Variants in ASCC3 observed in about 807,000 individuals in gnomAD.
ASCC3 encodes the protein activating signal cointegrator 1 complex subunit 3.
In ASCC3, 158 loss-of-function variants were observed where a neutral mutation model predicts 256.3. The ratio of observed to expected loss-of-function variants is 0.62; its 90% CI spans 0.54 to 0.70. The LOEUF (loss-of-function observed/expected upper bound fraction) is 0.70, where lower values mean the gene tolerates loss of function less well. Among genes scored for constraint, ASCC3 ranks in the 30% least tolerant of loss-of-function variants. The pLI, the probability that ASCC3 is intolerant of heterozygous loss-of-function variation, is 0.00. For missense variants in ASCC3, 2,259 were observed against 2,626.0 expected (o/e 0.86, Z 3.05); for synonymous variants, 948 against 883.4 (o/e 1.07, Z -1.30).
chr6:100,826,282 C>A (rs1373917682), intron 4 of ASCC3, among the ~76,000 whole-genome samples: 2 of 152,042 alleles, frequency 1.3e-5, no homozygotes, highest in African/African-American at 4.8e-5. Flanking sequence ...CAGGTGCCCA[C>A]CACCACGCCC....
Position 100,615,037 on chromosome 6 carries a change from A to T in ASCC3, c.4786-7949T>A, listed in dbSNP as rs540630075. Among the ~76,000 whole-genome samples, 3 of 151,600 alleles carry T rather than the reference A, an allele frequency of 2.0e-5. No individual in the cohort carries two copies. In the South Asian group the frequency reaches 6.3e-4, roughly 32 times the overall value. On this transcript the variant is annotated intron_variant, in intron 30 of 41. Coordinates refer to ENST00000369162, the MANE Select transcript of ASCC3 (RefSeq NM_006828.4). ...CCTTTTCTTAAAAAAAATTTTTGAG[A>T]TGGAGTCTCGCTCTGTCGACCAGGT...
At chr6:100,638,293 A>G (rs1344769441) in intron 25 of ASCC3, among the ~76,000 whole-genome samples, 1 of 152,204 alleles carries the variant, frequency 6.6e-6, no homozygotes, top group African/African-American at 2.4e-5. Flanking sequence ...TTAGCTATGT[A>G]TATTTTTAGG....
At chr6:100,769,100 T>C (rs146387068) in intron 8 of ASCC3, among the ~76,000 whole-genome samples, 118 of 152,162 alleles carry the variant, frequency 7.8e-4, no homozygotes, top group African/African-American at 2.6e-3. Flanking sequence ...GGAAATTTTG[T>C]AGCACTAACT....
At chr6:100,637,293 A>T (rs928192833) in intron 25 of ASCC3, among the ~76,000 whole-genome samples, 3 of 152,196 alleles carry the variant, frequency 2.0e-5, no homozygotes, top group African/African-American at 7.2e-5. Context: ...CCTGGATGAC[A>T]GCATATCTAC....
In ASCC3 at chr6:100,650,686, T is replaced by C. The variant is rs764478077; in HGVS notation, c.3104A>G (p.Asp1035Gly). 3 of 1,611,412 alleles carry C rather than the reference T, an allele frequency of 1.9e-6. No homozygotes were observed. Among genetic ancestry groups the C allele is most frequent in the African/African-American group, 2.7e-5 (2 of 74,832 alleles). The change falls in exon 20 of 42, where the codon GAT (aspartate) becomes GGT (glycine). Residue 1035 changes from aspartate (D) to glycine (G), a missense_variant. By Grantham distance (94) the Asp-to-Gly change is moderately conservative. Coordinates refer to ENST00000369162, the MANE Select transcript of ASCC3 (RefSeq NM_006828.4). ...TTCACAAAAATTGCTTAATAAGGTA[T>C]CTAACTCCTCTATTTCCTCTTCTCT... ...KVREEEIEEL[D>G]TLLSNFCELS...
chr6:100,694,004 C>T (rs531431102), intron 13 of ASCC3, among the ~76,000 whole-genome samples: 4 of 152,160 alleles, frequency 2.6e-5, no homozygotes, highest in South Asian at 2.1e-4. Flanking sequence ...CTCAGAGCAA[C>T]CTGAAGCAGT....
chr6:100,805,940 T>G (rs1334392622), intron 4 of ASCC3, 60 bp from the exon 5 acceptor site: 25 of 1,542,356 alleles, frequency 1.6e-5, no homozygotes, highest in Non-Finnish European at 2.2e-5. Flanking sequence ...CTTTTTCAAG[T>G]TATTAACAAC....
chr6:100,593,724 T>A (rs1415205660), intron 34 of ASCC3, among the ~76,000 whole-genome samples: 3 of 152,032 alleles, frequency 2.0e-5, no homozygotes, highest in Non-Finnish European at 4.4e-5. Flanking sequence ...TATGTTCAGA[T>A]TATGCAGCAA....
chr6:100,826,314 G>A (rs1485926549), intron 4 of ASCC3, among the ~76,000 whole-genome samples: 4 of 152,102 alleles, frequency 2.6e-5, no homozygotes, highest in African/African-American at 4.8e-5. Context: ...TGTATTTTTA[G>A]TAGAGACGGG....
intron 3 of ASCC3, among the ~76,000 whole-genome samples, chr6:100,851,733 T>G (rs1772678474): frequency 6.6e-6 from 1 of 152,074 alleles, no homozygotes; most frequent in Non-Finnish European, 1.5e-5. Flanking sequence ...CACAGAACAG[T>G]TTTTCAACAG....
chr6:100,749,912 A>G (rs1012905713), intron 10 of ASCC3, among the ~76,000 whole-genome samples: 2 of 151,646 alleles, frequency 1.3e-5, no homozygotes, highest in Admixed American at 6.6e-5. Flanking sequence ...TTTAATGTGT[A>G]AAATATAAAT....
At chr6:100,756,960 T>G (rs1314171746) in intron 10 of ASCC3, among the ~76,000 whole-genome samples, 1 of 152,138 alleles carries the variant, frequency 6.6e-6, no homozygotes, top group Non-Finnish European at 1.5e-5. Context: ...TAAAAGAGAC[T>G]TAAAAACTGG....
At chr6:100,576,844 A>G (rs1316148762) in intron 36 of ASCC3, among the ~76,000 whole-genome samples, 1 of 151,924 alleles carries the variant, frequency 6.6e-6, no homozygotes, top group Non-Finnish European at 1.5e-5. Flanking sequence ...CATAAGCCAG[A>G]AACAGCTCAG....
chr6:100,708,606 C>T (rs568320286), intron 13 of ASCC3, among the ~76,000 whole-genome samples: 18 of 152,148 alleles, frequency 1.2e-4, no homozygotes, highest in African/African-American at 4.1e-4. Flanking sequence ...CGGGGAGAGC[C>T]ACTGGCATCT....
chr6:100,718,358 AGT>A, intron 11 of ASCC3, 107 bp from the exon 12 acceptor site: 1 of 884,170 alleles, frequency 1.1e-6, no homozygotes, highest in Non-Finnish European at 1.7e-6. Context: ...GACAGAGATG[AGT>A]GTAGAGGTCA....
intron 13 of ASCC3, among the ~76,000 whole-genome samples, chr6:100,712,749 C>G (rs1035646684): frequency 9.5e-6 from 1 of 105,046 alleles, no homozygotes; most frequent in African/African-American, 3.4e-5. Flanking sequence ...AGCAATTATA[C>G]TCTTTTTTTT....
At chr6:100,583,837 G>C (rs932199961) in intron 36 of ASCC3, among the ~76,000 whole-genome samples, 3 of 152,008 alleles carry the variant, frequency 2.0e-5, no homozygotes, top group Non-Finnish European at 4.4e-5. Flanking sequence ...CCTTCATTTC[G>C]TTATGTACCC....
At chr6:100,698,416 G>A (rs1778186359) in intron 13 of ASCC3, among the ~76,000 whole-genome samples, 1 of 151,916 alleles carries the variant, frequency 6.6e-6, no homozygotes, top group African/African-American at 2.4e-5. Flanking sequence ...CTATATTTCA[G>A]AAAAACAAAA....
chr6:100,754,130 G>A (rs1582812596), intron 10 of ASCC3, among the ~76,000 whole-genome samples: 1 of 151,698 alleles, frequency 6.6e-6, no homozygotes, highest in Admixed American at 6.6e-5. Flanking sequence ...TACTAACAAT[G>A]GATACAATTT....
Sources: gnomAD v4.1 joint callset for allele counts (sites outside exome capture counted in the v4.1 genomes callset) on GRCh38, gnomAD v4.1.1 for gene constraint, MANE v1.5 for transcripts, NCBI Gene and HGNC (gene_info 2026-07-23, HGNC 2026-07-21) for gene names.